Variants in PLXNA2 observed in about 807,000 individuals in gnomAD.
PLXNA2 encodes plexin A2, also known as plexin-A2.
A neutral mutation model predicts 193.5 loss-of-function variants in PLXNA2; 91 were observed. The observed-to-expected ratio is 0.47, with a 90% CI of 0.40 to 0.56. The LOEUF is 0.56. Among genes scored for constraint, PLXNA2 ranks in the 20% least tolerant of loss-of-function variants. The probability of loss-of-function intolerance (pLI) is 0.00; values close to 1 mark genes in which losing one functional copy is unlikely to be tolerated. For synonymous variants in PLXNA2, 997 were observed against 1,027.3 expected (o/e 0.97, Z 0.56); for missense variants, 1,995 against 2,503.2 (o/e 0.80, Z 4.33).
At chr1:208,171,205 A>T (rs1185128477) in intron 3 of PLXNA2, among the ~76,000 whole-genome samples, 1 of 152,180 alleles carries the variant, frequency 6.6e-6, no homozygotes, top group Non-Finnish European at 1.5e-5. Flanking sequence ...GCAGGGTGCC[A>T]TGTTGGCACT....
At chr1:208,219,816 T>G (rs971542608) in intron 1 of PLXNA2, among the ~76,000 whole-genome samples, 1 of 152,166 alleles carries the variant, frequency 6.6e-6, no homozygotes, top group Non-Finnish European at 1.5e-5. Flanking sequence ...AACACCGGCA[T>G]GAGACTCAGG....
intron 9 of PLXNA2, among the ~76,000 whole-genome samples, chr1:208,090,463 C>CATGGCTG (rs1666671463): frequency 6.6e-6 from 1 of 152,144 alleles, no homozygotes; most frequent in Non-Finnish European, 1.5e-5. Flanking sequence ...ATCTCTCATC[C>CATGGCTG]ATGGCTGAGA....
rs368782986 is a variant in PLXNA2 at position 208,052,385 on chromosome 1, G to A, written c.2935C>T (p.Leu979Phe). The change falls in exon 15 of 32, where the codon CTT becomes TTT. Residue 979 changes from leucine to phenylalanine, a missense_variant. Leu to Phe is a conservative substitution (Grantham distance 22). Around this residue, in one of 3 missense-constraint regions of PLXNA2, gnomAD observed 1,291 missense variants for 1,673.6 expected, o/e 0.77. Transcript: ENST00000367033. Reference protein sequence around the residue: ...GTMVTITGHYLGAGSSVAVYL... With the variant: ...GTMVTITGHYFGAGSSVAVYL... ...ACTGCCACGCTGCTCCCAGCCCCAA[G>A]GTAATGGCCGGTAATGGTCACCATA... 3.7e-6 allele frequency: 6 copies of A among 1,613,896 alleles called. No individual in the cohort carries two copies. In the African/African-American group the frequency reaches 5.3e-5, roughly 14 times the overall value.
intron 3 of PLXNA2, among the ~76,000 whole-genome samples, chr1:208,147,195 AT>A (rs559940646): frequency 7.9e-4 from 117 of 148,728 alleles, no homozygotes; most frequent in Non-Finnish European, 1.2e-3. Flanking sequence ...CTACTTTTTA[AT>A]TTTTTTTTTA....
chr1:208,034,970 T>C (rs1664626064), intron 26 of PLXNA2, among the ~76,000 whole-genome samples: 1 of 152,184 alleles, frequency 6.6e-6, no homozygotes, highest in Non-Finnish European at 1.5e-5. Context: ...ATGATAATCA[T>C]TTTAGACCAG....
At chr1:208,085,870 T>C (rs1666503662) in intron 9 of PLXNA2, among the ~76,000 whole-genome samples, 1 of 152,336 alleles carries the variant, frequency 6.6e-6, no homozygotes, top group Admixed American at 6.5e-5. Context: ...TTTCCGTCTA[T>C]TAGAAACACA....
chr1:208,193,748 C>T (rs1670260300), intron 3 of PLXNA2, among the ~76,000 whole-genome samples: 1 of 152,016 alleles, frequency 6.6e-6, no homozygotes, highest in Admixed American at 6.6e-5. Context: ...TTTGTCTGGG[C>T]TGGTCACAGT....
chr1:208,220,635 G>T (rs1251432633), intron 1 of PLXNA2, among the ~76,000 whole-genome samples: 1 of 151,302 alleles, frequency 6.6e-6, no homozygotes, highest in Non-Finnish European at 1.5e-5. Context: ...GTAAAGACAG[G>T]GTTTCACCAT....
chr1:208,149,585 TTG>T (rs550329642), intron 3 of PLXNA2, among the ~76,000 whole-genome samples: 11 of 150,546 alleles, frequency 7.3e-5, no homozygotes, highest in Admixed American at 1.3e-4. Flanking sequence ...TGTGTGTATA[TTG>T]TGTGTGTGTG....
intron 6 of PLXNA2, 59 bp from the exon 7 acceptor site, chr1:208,096,942 G>A: frequency 6.5e-7 from 1 of 1,534,686 alleles, no homozygotes; most frequent in Non-Finnish European, 8.8e-7. Flanking sequence ...TGGACTCCAG[G>A]TCCAGCCCTG....
Position 208,027,254 on chromosome 1 carries a change from T to G in PLXNA2, c.5674A>C (p.Ile1892Leu), listed in dbSNP as rs555261832. 2 of 1,613,544 alleles carry G rather than the reference T, an allele frequency of 1.2e-6. No individual in the cohort carries two copies. The highest frequency in any genetic ancestry group is 2.7e-5 in the African/African-American group (2 of 75,040). The change falls in exon 32 of 32, where the codon ATT becomes CTT. Residue 1892 changes from isoleucine to leucine, a missense_variant. Coordinates refer to ENST00000367033, the MANE Select transcript of PLXNA2 (RefSeq NM_025179.4). ...CGAGGCTCCTCCTCTCAGCTCTCAA[T>G]GGACATGGCATTAATGAGCTGCTCC... ...KVEQLINAMS[I>L]ES
At chr1:208,157,790 G>T (rs1668983145) in intron 3 of PLXNA2, among the ~76,000 whole-genome samples, 1 of 152,166 alleles carries the variant, frequency 6.6e-6, no homozygotes. Context: ...CCATAATAAA[G>T]CTCTGTAATT....
rs371806936 is a variant in PLXNA2, at chr1:208,028,982, G to A, written c.5286C>T (p.His1762=). 1.2e-6 allele frequency: 2 copies of A among 1,613,968 alleles called. No homozygotes were observed. Among genetic ancestry groups the A allele is most frequent in the Non-Finnish European group, 1.7e-6 (2 of 1,180,014 alleles). ...IKNPQFVFDI[H]KGSITDACLS... ...GGCAGGCGTCCGTGATGCTGCCCTT[G>A]TGGATGTCAAACACGAACTGGGGGT... Residue 1762 remains histidine (H), a synonymous_variant, in exon 30 of 32, where the codon CAC becomes CAT. Coordinates refer to ENST00000367033, the MANE Select transcript of PLXNA2 (RefSeq NM_025179.4). This position sits in a 1 kb window ranked among gnomAD's most constrained non-coding sequence, Gnocchi z 4.2.
intron 23 of PLXNA2, 31 bp downstream of exon 23, chr1:208,039,961 A>G (rs1049255838): frequency 3.7e-6 from 6 of 1,610,312 alleles, no homozygotes; most frequent in African/African-American, 2.7e-5. Flanking sequence ...CCTGCCCTGG[A>G]CGCTAGGCCC....
intron 4 of PLXNA2, among the ~76,000 whole-genome samples, chr1:208,123,525 C>T (rs1476442926): frequency 6.6e-6 from 1 of 152,140 alleles, no homozygotes; most frequent in African/African-American, 2.4e-5. Context: ...GAAATAGGCT[C>T]CAAGTGTAAG....
chr1:208,093,958 C>T (rs372468035), intron 8 of PLXNA2, among the ~76,000 whole-genome samples: 57 of 152,280 alleles, frequency 3.7e-4, no homozygotes, highest in African/African-American at 1.3e-3. Context: ...CCTGGTGGGG[C>T]TCTGATTACA....
chr1:208,062,096 G>A (rs913515017), intron 12 of PLXNA2, among the ~76,000 whole-genome samples: 2 of 152,160 alleles, frequency 1.3e-5, no homozygotes, highest in Non-Finnish European at 2.9e-5. Flanking sequence ...ACTTGATGAA[G>A]ATCGAGCGTC....
intron 11 of PLXNA2, among the ~76,000 whole-genome samples, chr1:208,080,971 C>T (rs190922181): frequency 5.3e-5 from 8 of 152,354 alleles, no homozygotes; most frequent in Admixed American, 5.2e-4. Context: ...GCCCAATGCG[C>T]AGCCGGCAGA....
intron 4 of PLXNA2, among the ~76,000 whole-genome samples, chr1:208,103,750 T>C (rs17259297): frequency 0.024 from 3,601 of 152,352 alleles, 66 homozygotes; most frequent in Non-Finnish European, 0.035. Context: ...ACCACCTGGA[T>C]CCAATTATCC....
Sources: allele counts gnomAD v4.1 joint callset (sites outside exome capture counted in the v4.1 genomes callset), GRCh38; gene constraint gnomAD v4.1.1; regional missense constraint gnomAD v4.1.1; non-coding constraint Gnocchi (gnomAD v3.1); transcripts MANE v1.5; gene names NCBI Gene and HGNC (gene_info 2026-07-23, HGNC 2026-07-21).